The following NRXN1 variants were observed in gnomAD, a reference collection of about 807,000 sequenced individuals.
The protein encoded by NRXN1 is neurexin 1, also known as neurexin-1.
Under a neutral mutation model 150.9 loss-of-function variants are expected in NRXN1, and 39 were observed. The observed-to-expected ratio is 0.26, with a 90% CI of 0.20 to 0.34. The LOEUF is 0.34. NRXN1 is among the 10% of genes least tolerant of loss of function. NRXN1 has a pLI of 1.00. For missense variants in NRXN1, 1,815 were observed against 1,949.9 expected (o/e 0.93, Z 1.30); for synonymous variants, 924 against 757.0 (o/e 1.22, Z -3.62).
intron 18 of NRXN1, among the ~76,000 whole-genome samples, chr2:50,103,560 C>A (rs559933049): frequency 4.6e-5 from 7 of 151,952 alleles, no homozygotes; most frequent in African/African-American, 1.7e-4. Flanking sequence ...AATTCTACTT[C>A]CAGAAAAATT....
chr2:50,267,504 A>G (rs997979819), intron 17 of NRXN1, among the ~76,000 whole-genome samples: 3 of 152,206 alleles, frequency 2.0e-5, no homozygotes, highest in African/African-American at 7.2e-5. Flanking sequence ...ACAAAAATGA[A>G]TAAGACTACC....
intron 5 of NRXN1, among the ~76,000 whole-genome samples, chr2:50,843,457 A>G (rs1353991495): frequency 6.6e-6 from 1 of 152,234 alleles, no homozygotes; most frequent in African/African-American, 2.4e-5. Context: ...GTTTTGAAAT[A>G]AAGATGAGAG....
intron 2 of NRXN1, among the ~76,000 whole-genome samples, chr2:51,008,506 T>C (rs982781226): frequency 6.6e-6 from 1 of 151,914 alleles, no homozygotes; most frequent in Non-Finnish European, 1.5e-5. Context: ...TTAAGTGAGA[T>C]AATAATCACA....
rs546860494 is a variant in NRXN1 at position 50,293,161 on chromosome 2, A to G, written c.3365-56191T>C. On this transcript the variant is annotated intron_variant, in intron 17 of 22. Transcript: ENST00000401669. ...ATCTGATTCTCCACTGCCTTCTTCC[A>G]TTCCCAAGCCTGCCTCATTGTCCTG... Among the ~76,000 whole-genome samples, 3 of 152,194 alleles carry G rather than the reference A, an allele frequency of 2.0e-5. No homozygotes were observed. In the East Asian group the frequency reaches 5.8e-4, roughly 29 times the overall value.
At chr2:50,542,602 A>G (rs1170452428) in intron 9 of NRXN1, among the ~76,000 whole-genome samples, 2 of 152,228 alleles carry the variant, frequency 1.3e-5, no homozygotes, top group Non-Finnish European at 2.9e-5. Flanking sequence ...GCAAATAATC[A>G]GAAAGTAAAG....
chr2:50,913,507 G>T (rs897115678), intron 5 of NRXN1, among the ~76,000 whole-genome samples: 4 of 151,836 alleles, frequency 2.6e-5, no homozygotes, highest in Non-Finnish European at 5.9e-5. Context: ...TCCTTATAAA[G>T]CATAAGTTGT....
intron 5 of NRXN1, among the ~76,000 whole-genome samples, chr2:50,721,824 T>C (rs1696696191): frequency 6.6e-6 from 1 of 152,164 alleles, no homozygotes; most frequent in Admixed American, 6.5e-5. Flanking sequence ...TAGAGAAAGT[T>C]GATATACATT....
intron 5 of NRXN1, among the ~76,000 whole-genome samples, chr2:50,695,650 T>C (rs1177051136): frequency 2.0e-5 from 3 of 152,156 alleles, no homozygotes; most frequent in Non-Finnish European, 2.9e-5. Flanking sequence ...ATGTGAAATA[T>C]GTTAATAGTT....
chr2:50,571,215 T>G (rs1670614461), intron 8 of NRXN1, among the ~76,000 whole-genome samples: 2 of 152,148 alleles, frequency 1.3e-5, no homozygotes, highest in African/African-American at 4.8e-5. Flanking sequence ...ACAGTGATGC[T>G]TAAGTGAACA....
At chr2:50,968,401 T>G (rs1694460964) in intron 2 of NRXN1, among the ~76,000 whole-genome samples, 1 of 152,104 alleles carries the variant, frequency 6.6e-6, no homozygotes, top group Non-Finnish European at 1.5e-5. Context: ...TAAATGGAAG[T>G]GACCAAAATG....
chr2:50,709,935 C>A lies in NRXN1; in HGVS notation c.833-86320G>T, dbSNP rs113768166. On this transcript the variant is annotated intron_variant, in intron 5 of 22. Coordinates refer to ENST00000401669, the MANE Select transcript of NRXN1 (RefSeq NM_001330078.2). ...TGGCCCAGTTCCCCAGAAATGCATT[C>A]CAGAAGATATATTTTGAGTTGATAC... Among the ~76,000 whole-genome samples, 240 of 152,188 alleles carry A rather than the reference C, an allele frequency of 1.6e-3. 2 individuals carry two copies. The highest frequency in any genetic ancestry group is 5.6e-3 in the African/African-American group (234 of 41,530).
At chr2:50,058,420 C>A (rs552402178) in intron 19 of NRXN1, among the ~76,000 whole-genome samples, 1 of 152,120 alleles carries the variant, frequency 6.6e-6, no homozygotes, top group African/African-American at 2.4e-5. Flanking sequence ...AACTGAAGAA[C>A]TTTTTAATTA....
intron 17 of NRXN1, among the ~76,000 whole-genome samples, chr2:50,424,601 T>C (rs533170805): frequency 6.9e-4 from 105 of 152,132 alleles, no homozygotes; most frequent in Non-Finnish European, 1.4e-3. Context: ...AAATCTGTGA[T>C]ACTAAAAATG....
chr2:50,797,682 T>A (rs1405175385), intron 5 of NRXN1, among the ~76,000 whole-genome samples: 1 of 152,122 alleles, frequency 6.6e-6, no homozygotes, highest in Non-Finnish European at 1.5e-5. Flanking sequence ...CAGCGCAATC[T>A]CTGGAAAGGA....
intron 5 of NRXN1, among the ~76,000 whole-genome samples, chr2:50,681,543 C>G (rs1321655494): frequency 6.6e-6 from 1 of 152,010 alleles, no homozygotes; most frequent in East Asian, 1.9e-4. Context: ...TATAAAAGGG[C>G]TTGTAATTAG....
At chr2:50,107,941 C>A (rs558723952) in intron 18 of NRXN1, among the ~76,000 whole-genome samples, 1 of 151,864 alleles carries the variant, frequency 6.6e-6, no homozygotes, top group Admixed American at 6.6e-5. Flanking sequence ...ATTACCTTCA[C>A]TTAATAGGTA....
chr2:50,673,681 T>A lies in NRXN1; in HGVS notation c.833-50066A>T, dbSNP rs148431471. Among the ~76,000 whole-genome samples the A allele has an allele frequency of 4.6e-5, 7 of 152,238 alleles. No homozygotes were observed. The East Asian group carries it at 1.4e-3, about 29-fold the overall frequency. ...CAGAAAAAGTAATTTGTTGGGAATA[T>A]ACTAGCATATGAAAAAAAGGACCCA... On this transcript the variant is annotated intron_variant, in intron 5 of 22. Transcript: ENST00000401669.
chr2:51,027,363 C>T, intron 2 of NRXN1, 139 bp downstream of exon 2: 1 of 856,772 alleles, frequency 1.2e-6, no homozygotes, highest in Non-Finnish European at 1.6e-6. Flanking sequence ...TAGAGAGTCC[C>T]CCAGAAACAA....
At chr2:50,390,099 A>G (rs978579840) in intron 17 of NRXN1, among the ~76,000 whole-genome samples, 1 of 152,190 alleles carries the variant, frequency 6.6e-6, no homozygotes, top group African/African-American at 2.4e-5. Flanking sequence ...ATAAGTATGC[A>G]TTCTTTCTGT....
Sources: allele counts gnomAD v4.1 joint callset (sites outside exome capture counted in the v4.1 genomes callset), GRCh38; gene constraint gnomAD v4.1.1; transcripts MANE v1.5; gene names NCBI Gene and HGNC (gene_info 2026-07-23, HGNC 2026-07-21).